ERCC6: variants seen among roughly 807,000 people sequenced by gnomAD.
ERCC6 encodes DNA excision repair protein ERCC-6.
ERCC6 carries 116 observed loss-of-function variants against 158.7 expected under a neutral mutation model. That is an observed-to-expected ratio of 0.73 (90% CI 0.63 to 0.85). The LOEUF (loss-of-function observed/expected upper bound fraction) is 0.85, where lower values mean the gene tolerates loss of function less well. ERCC6 is among the 40% of genes least tolerant of loss of function. The pLI, the probability that ERCC6 is intolerant of heterozygous loss-of-function variation, is 0.00. For synonymous variants in ERCC6, 678 were observed against 659.3 expected, an observed-to-expected ratio of 1.03 and a Z score of -0.43; for missense variants, 1,698 against 1,799.4, an observed-to-expected ratio of 0.94 and a Z score of 1.02.
In ERCC6 at chr10:49,473,103, T is replaced by C. The variant is rs576964243; in HGVS notation, c.2710-75A>G. The C allele has an allele frequency of 2.5e-6, 4 of 1,601,826 alleles. No homozygotes were observed. In the African/African-American group the frequency reaches 4.0e-5, roughly 16 times the overall value. On this transcript the variant is annotated intron_variant, in intron 14 of 20. Coordinates refer to ENST00000355832, the MANE Select transcript of ERCC6 (RefSeq NM_000124.4). Reference sequence around the variant, plus strand: ...AGTTCTCAGCCTCTGCCTCCACATATTGTACACATGGAATTACTGGGCTGT... The same window carrying C: ...AGTTCTCAGCCTCTGCCTCCACATACTGTACACATGGAATTACTGGGCTGT...
In ERCC6 at chr10:49,500,463, C is replaced by A. The variant is rs1590435583; in HGVS notation, c.1685+75G>T. The A allele has an allele frequency of 7.4e-6, 11 of 1,480,676 alleles. No homozygotes were observed. The Admixed American group carries it at 1.5e-4, about 20-fold the overall frequency. The allele number at this position is 1,480,676 out of a possible 1,614,324, so 91.7% of individuals were successfully genotyped here. On this transcript the variant is annotated intron_variant, in intron 7 of 20. Coordinates refer to ENST00000355832, the MANE Select transcript of ERCC6 (RefSeq NM_000124.4). ...AAATGTCATCAATAATTCACAAGAC[C>A]CTCCTCCACAGCAATACATCTGATG...
At position 49,456,113 on chromosome 10, in the gene ERCC6, C is replaced by A. The variant is rs1590393827; in HGVS notation, c.*2702G>T. Reference sequence around the variant, plus strand: ...ATTAATATAAATTACATATTTAAAGCAAACTAATTGCTATAATAGACTTCA... The same window carrying A: ...ATTAATATAAATTACATATTTAAAGAAAACTAATTGCTATAATAGACTTCA... On this transcript the variant is annotated 3_prime_UTR_variant, in exon 21 of 21. Coordinates refer to ENST00000355832, the MANE Select transcript of ERCC6 (RefSeq NM_000124.4). The A allele has an allele frequency of 6.6e-6, 1 of 152,156 alleles. No individual in the cohort carries two copies. The highest frequency in any genetic ancestry group is 1.9e-4 in the East Asian group (1 of 5,194). The allele number at this position is 152,156 out of a possible 1,614,324, so 9.4% of individuals were successfully genotyped here. A position where few individuals can be genotyped will look rare whatever the true frequency, so the allele number is the denominator to read the frequency against.
Position 49,455,774 on chromosome 10 carries a change from G to A in ERCC6, c.*3041C>T, listed in dbSNP as rs1850474380. 6.6e-6 allele frequency: 1 copy of A among 152,212 alleles called. No individual in the cohort carries two copies. Among genetic ancestry groups the A allele is most frequent in the South Asian group, 2.1e-4 (1 of 4,830 alleles). 9.4% of individuals were successfully genotyped at this position (152,212 alleles called of 1,614,324 possible). A position where few individuals can be genotyped will look rare whatever the true frequency, so the allele number is the denominator to read the frequency against. ...GATCTACAAATGGCCAATAAACATG[G>A]AAATGTTTGATTTTGTACGTAATCA... On this transcript the variant is annotated 3_prime_UTR_variant, in exon 21 of 21. Coordinates refer to ENST00000355832, the MANE Select transcript of ERCC6 (RefSeq NM_000124.4).
intron 8 of ERCC6, among the ~76,000 whole-genome samples, chr10:49,492,674 G>A (rs1283323420): frequency 1.3e-5 from 2 of 152,136 alleles, no homozygotes; most frequent in African/African-American, 2.4e-5. Context: ...CAATACTTGC[G>A]AAATTCTCAA....
chr10:49,531,103 A>C (rs1219397163), intron 2 of ERCC6, among the ~76,000 whole-genome samples: 1 of 152,198 alleles, frequency 6.6e-6, no homozygotes, highest in African/African-American at 2.4e-5. Flanking sequence ...GTCATTCTAC[A>C]AGCATTATTT....
rs1451119499 is a variant in ERCC6, at chr10:49,500,692, G to A, written c.1531C>T (p.Gln511Ter). 2.5e-6 allele frequency: 4 copies of A among 1,613,424 alleles called. No individual in the cohort carries two copies. The South Asian group carries it at 4.4e-5, about 18-fold the overall frequency. Reference protein sequence around the residue: ...GFLFKKLFKYQQTGVRWLWEL... With the variant: ...GFLFKKLFKY Reference sequence around the variant, plus strand: ...CACAGCCACCTAACACCTGTCTGCTGGTACCTATGACAACAAACACCAACA... The same window carrying A: ...CACAGCCACCTAACACCTGTCTGCTAGTACCTATGACAACAAACACCAACA... The change falls in exon 7 of 21, where the codon CAG becomes TAG. Residue 511 changes from glutamine (Q) to a stop codon, truncating the protein, a stop_gained. Transcript: ENST00000355832. LOFTEE classifies it high-confidence loss of function.
At chr10:49,473,120 C>T in intron 14 of ERCC6, 92 bp from the exon 15 acceptor site, 1 of 1,562,640 alleles carries the variant, frequency 6.4e-7, no homozygotes, top group South Asian at 1.1e-5. Context: ...CATGGAATTA[C>T]TGGGCTGTTC....
At chr10:49,531,175 T>A (rs1837460749) in intron 2 of ERCC6, among the ~76,000 whole-genome samples, 1 of 152,204 alleles carries the variant, frequency 6.6e-6, no homozygotes, top group South Asian at 2.1e-4. Flanking sequence ...TCCTTTTACA[T>A]GAAAAAATGC....
downstream of ERCC6, among the ~76,000 whole-genome samples, chr10:49,453,222 G>T (rs575802348): frequency 1.5e-4 from 23 of 152,092 alleles, no homozygotes; most frequent in South Asian, 4.8e-3. Context: ...GGTTGCTCTA[G>T]TGTTTACCAT....
At chr10:49,439,194 T>C in the ERCC6 span, among the ~76,000 whole-genome samples, 1 of 152,312 alleles carries the variant, frequency 6.6e-6, no homozygotes, top group South Asian at 2.1e-4. Context: ...TAGCAAAGGT[T>C]CTCCATGAGT....
intron 8 of ERCC6, among the ~76,000 whole-genome samples, chr10:49,483,826 A>C (rs1374567406): frequency 1.3e-5 from 2 of 151,780 alleles, no homozygotes; most frequent in Admixed American, 1.3e-4. Context: ...CATTCTTGTC[A>C]AAACAACAAT....
rs1261568867 is a variant in ERCC6, at chr10:49,482,735, G to T, written c.2121C>A (p.Phe707Leu). The change falls in exon 10 of 21, where the codon TTC becomes TTA. Residue 707 changes from phenylalanine (F) to leucine (L), a missense_variant. Physicochemically the swap from Phe to Leu is conservative, Grantham distance 22. Transcript: ENST00000355832. ...ATCCCCCCATGGTGATGGGGACGGAGAACTGCTCCATAAACACAGGCAACG... is the reference window on the plus strand; with the variant it reads ...ATCCCCCCATGGTGATGGGGACGGATAACTGCTCCATAAACACAGGCAACG... ...LGTLPVFMEQ[F>L]SVPITMGGYS... 6.2e-7 allele frequency: 1 copy of T among 1,613,776 alleles called. No homozygotes were observed. Among genetic ancestry groups the T allele is most frequent in the African/African-American group, 1.3e-5 (1 of 74,886 alleles).
rs115319252 is a variant in ERCC6 at position 49,461,551 on chromosome 10, C to T, written c.3784G>A (p.Val1262Met). 65 of 1,612,982 alleles carry T rather than the reference C, an allele frequency of 4.0e-5. No homozygotes were observed. In the East Asian group the frequency reaches 8.5e-4, roughly 21 times the overall value. The part of the protein sequence containing the change: ...LEKLFKKSVG[V>M]HSVMKHDAIM... ...GCATCGTGCTTCATGACACTGTGCA[C>T]GCCAACTAGCAAGAAAAGAAATAGC... The change falls in exon 19 of 21, where the codon GTG (valine) becomes ATG (methionine). Residue 1262 changes from valine (V) to methionine (M), a missense_variant. Coordinates refer to ENST00000355832, the MANE Select transcript of ERCC6 (RefSeq NM_000124.4).
chr10:49,516,035 A>T (rs1836948555), intron 5 of ERCC6: 3 of 1,614,206 alleles, frequency 1.9e-6, no homozygotes, highest in Non-Finnish European at 2.5e-6. Flanking sequence ...GCTTATCAAG[A>T]AGTGCAATAC....
In ERCC6 at chr10:49,472,416, G is replaced by T; in HGVS notation, c.2884C>A (p.Leu962Ile). Reference sequence around the variant, plus strand: ...TCTTCAATGGTGCCCGCAGTCAGGAGCCTGTACACAGTCACTTGCTTCTTC... The same window carrying T: ...TCTTCAATGGTGCCCGCAGTCAGGATCCTGTACACAGTCACTTGCTTCTTC... ...GQKKQVTVYR[L>I]LTAGTIEEKI... Residue 962 changes from leucine (L) to isoleucine (I), a missense_variant, in exon 16 of 21, where the codon CTC becomes ATC. Physicochemically the swap from Leu to Ile is conservative, Grantham distance 5 (BLOSUM62 2). Coordinates refer to ENST00000355832, the MANE Select transcript of ERCC6 (RefSeq NM_000124.4). The T allele has an allele frequency of 6.2e-7, 1 of 1,614,118 alleles. No homozygotes were observed. Among genetic ancestry groups the T allele is most frequent in the Middle Eastern group, 1.6e-4 (1 of 6,062 alleles).
rs2132621442 is a variant in ERCC6 at position 49,524,524 on chromosome 10, G to C, written c.906C>G (p.Val302=). Residue 302 remains valine (V), a synonymous_variant, in exon 5 of 21, where the codon GTC becomes GTG. Transcript: ENST00000355832. Reference sequence around the variant, plus strand: ...TATTTTGCACTGGGGCTGGAGGCGTGACTGGGGCTGGAGCTTTTCTAGCTG... The same window carrying C: ...TATTTTGCACTGGGGCTGGAGGCGTCACTGGGGCTGGAGCTTTTCTAGCTG... The part of the protein sequence containing the change: ...KRAARKAPAP[V]TPPAPVQNKN... 7 of 1,614,182 alleles carry C rather than the reference G, an allele frequency of 4.3e-6. No individual in the cohort carries two copies. The highest frequency in any genetic ancestry group is 5.9e-6 in the Non-Finnish European group (7 of 1,180,006).
intron 5 of ERCC6, among the ~76,000 whole-genome samples, chr10:49,522,815 A>G (rs1837204059): frequency 6.6e-6 from 1 of 152,244 alleles, no homozygotes; most frequent in South Asian, 2.1e-4. Context: ...CAGGTAATAA[A>G]CGTGCACAGA....
intron 11 of ERCC6, among the ~76,000 whole-genome samples, chr10:49,476,601 C>T (rs775300449): frequency 1.2e-4 from 19 of 152,094 alleles, no homozygotes; most frequent in Non-Finnish European, 2.6e-4. Flanking sequence ...CCATCCTCCA[C>T]GTTAGCCTCC....
the ERCC6 span, among the ~76,000 whole-genome samples, chr10:49,438,424 G>A: frequency 2.0e-5 from 3 of 152,226 alleles, no homozygotes; most frequent in Admixed American, 6.5e-5. Context: ...ATCAGATCTC[G>A]TGAAATTTAT....
Sources: gnomAD v4.1 joint callset for allele counts (sites outside exome capture counted in the v4.1 genomes callset) on GRCh38, gnomAD v4.1.1 for gene constraint, MANE v1.5 for transcripts, NCBI Gene and HGNC (gene_info 2026-07-23, HGNC 2026-07-21) for gene names.